Variants in DTNBP1 observed in about 807,000 individuals in gnomAD.
The protein encoded by DTNBP1 is dystrobrevin binding protein 1, also known as dysbindin.
A neutral mutation model predicts 42.8 loss-of-function variants in DTNBP1; 35 were observed. The ratio of observed to expected loss-of-function variants is 0.82; its 90% CI spans 0.63 to 1.09. DTNBP1 has a LOEUF of 1.09. Ranked by LOEUF, DTNBP1 falls within the 50% of genes least tolerant of loss-of-function variation. The pLI, the probability that DTNBP1 is intolerant of heterozygous loss-of-function variation, is 0.00. For missense variants in DTNBP1, 457 were observed against 424.2 expected, an observed-to-expected ratio of 1.08 and a Z score of -0.68; for synonymous variants, 171 against 162.2, an observed-to-expected ratio of 1.05 and a Z score of -0.41.
chr6:15,637,211 C>T (rs935212052), intron 4 of DTNBP1, among the ~76,000 whole-genome samples: 1 of 152,114 alleles, frequency 6.6e-6, no homozygotes, highest in African/African-American at 2.4e-5. Context: ...TCGATTTTGG[C>T]TATGTACATT....
chr6:15,659,192 G>A (rs1761449806), intron 1 of DTNBP1, among the ~76,000 whole-genome samples: 2 of 152,170 alleles, frequency 1.3e-5, no homozygotes, highest in South Asian at 4.1e-4. Flanking sequence ...ATAAGGAATC[G>A]TTCTATTTTA....
In DTNBP1 at chr6:15,651,371, A is replaced by G. The variant is rs776060133; in HGVS notation, c.111-8T>C. The G allele has an allele frequency of 6.2e-7, 1 of 1,611,662 alleles. No individual in the cohort carries two copies. ...GGCAAAAATGGAACAGTCCTGCCCA[A>G]AAGAAACACTTATTAAAACTGTTCT... On this transcript the variant is annotated splice_region_variant and splice_polypyrimidine_tract_variant and intron_variant, in intron 2 of 9. Coordinates refer to ENST00000344537, the MANE Select transcript of DTNBP1 (RefSeq NM_032122.5).
chr6:15,539,017 A>G (rs979346375), intron 7 of DTNBP1, among the ~76,000 whole-genome samples: 2 of 151,872 alleles, frequency 1.3e-5, no homozygotes, highest in Non-Finnish European at 2.9e-5. Flanking sequence ...CCAGCACCAC[A>G]CTCTCAACTC....
intron 9 of DTNBP1, chr6:15,523,546 T>TTATC (rs776049172): frequency 1.6e-6 from 2 of 1,267,914 alleles, no homozygotes; most frequent in South Asian, 2.8e-5. Flanking sequence ...CCTTGTAACC[T>TTATC]TGATAATCTA....
rs1238265151 is a variant in DTNBP1, at chr6:15,627,467, A to G, written c.231T>C (p.Asp77=). The change falls in exon 5 of 10, where the codon GAT becomes GAC. Residue 77 remains aspartate, a synonymous_variant. Transcript: ENST00000344537. ...KDCASAGELV[D]SEVVMLSAHW... is the part of the protein sequence containing the mutation. Reference sequence around the variant, plus strand: ...GCGCAGAAAGCATGACCACCTCGCTATCCACCAGCTGCAGCACACAAGAAG... The same window carrying G: ...GCGCAGAAAGCATGACCACCTCGCTGTCCACCAGCTGCAGCACACAAGAAG... 1.9e-6 allele frequency: 3 copies of G among 1,613,902 alleles called. No homozygotes were observed. The highest frequency in any genetic ancestry group is 2.5e-6 in the Non-Finnish European group (3 of 1,179,922).
intron 6 of DTNBP1, among the ~76,000 whole-genome samples, chr6:15,600,483 AT>A (rs144949807): frequency 0.15 from 23,466 of 152,030 alleles, 2,697 homozygotes; most frequent in African/African-American, 0.32. Context: ...TCATCATTTA[AT>A]TTTTTTTATC....
chr6:15,585,756 T>C (rs1776054402), intron 7 of DTNBP1: 1 of 1,535,096 alleles, frequency 6.5e-7, no homozygotes, highest in Non-Finnish European at 8.7e-7. Context: ...GTCCTGGAGA[T>C]GACATGGATG....
intron 4 of DTNBP1, among the ~76,000 whole-genome samples, chr6:15,627,894 C>T (rs2113740758): frequency 6.6e-6 from 1 of 151,902 alleles, no homozygotes; most frequent in Admixed American, 6.6e-5. Flanking sequence ...AGGAAGTCTT[C>T]AAAGAAAAGT....
chr6:15,603,239 A>C (rs1227396710), intron 6 of DTNBP1, among the ~76,000 whole-genome samples: 1 of 152,254 alleles, frequency 6.6e-6, no homozygotes, highest in Non-Finnish European at 1.5e-5. Context: ...GTCTGTTTTC[A>C]AGAGGTCATT....
At chr6:15,605,348 C>T (rs1416303620) in intron 6 of DTNBP1, among the ~76,000 whole-genome samples, 1 of 152,142 alleles carries the variant, frequency 6.6e-6, no homozygotes, top group African/African-American at 2.4e-5. Flanking sequence ...CTGTTCATGA[C>T]TCGGGGTCTT....
At chr6:15,661,107 C>T (rs938653100) in intron 1 of DTNBP1, among the ~76,000 whole-genome samples, 3 of 152,240 alleles carry the variant, frequency 2.0e-5, no homozygotes, top group Admixed American at 6.5e-5. Context: ...AAGCGTTTGA[C>T]AGTTTGTTAT....
chr6:15,659,947 G>A (rs1420875796), intron 1 of DTNBP1, among the ~76,000 whole-genome samples: 2 of 152,132 alleles, frequency 1.3e-5, no homozygotes, highest in Non-Finnish European at 2.9e-5. Flanking sequence ...CAACAAAATT[G>A]TTGGAAGATT....
At chr6:15,606,250 C>T (rs1293887335) in intron 6 of DTNBP1, among the ~76,000 whole-genome samples, 3 of 152,188 alleles carry the variant, frequency 2.0e-5, no homozygotes, top group Non-Finnish European at 4.4e-5. Flanking sequence ...GGTCACAGTC[C>T]TGTTTTTGTA....
intron 7 of DTNBP1, among the ~76,000 whole-genome samples, chr6:15,557,056 G>A (rs1159981611): frequency 6.6e-6 from 1 of 152,172 alleles, no homozygotes; most frequent in Non-Finnish European, 1.5e-5. Flanking sequence ...TACCTTGTCT[G>A]CACTTCTGTC....
chr6:15,609,425 T>C (rs1407685928), intron 6 of DTNBP1, among the ~76,000 whole-genome samples: 1 of 152,050 alleles, frequency 6.6e-6, no homozygotes, highest in Non-Finnish European at 1.5e-5. Flanking sequence ...GTTCAAGTAA[T>C]TCTCCCACCT....
At chr6:15,609,412 C>A (rs897815857) in intron 6 of DTNBP1, among the ~76,000 whole-genome samples, 1 of 151,972 alleles carries the variant, frequency 6.6e-6, no homozygotes, top group Non-Finnish European at 1.5e-5. Context: ...CTCCGCCTCC[C>A]GGGTTCAAGT....
intron 7 of DTNBP1, among the ~76,000 whole-genome samples, chr6:15,549,777 C>A (rs756175175): frequency 1.4e-4 from 21 of 152,342 alleles, no homozygotes; most frequent in Non-Finnish European, 2.2e-4. Context: ...AAGATCCTTT[C>A]AACTCTTCAG....
chr6:15,615,019 C>G, intron 6 of DTNBP1: 1 of 601,460 alleles, frequency 1.7e-6, no homozygotes, highest in Non-Finnish European at 3.0e-6. Context: ...AAAACTTTGC[C>G]CTGTGCTCCA....
intron 7 of DTNBP1, among the ~76,000 whole-genome samples, chr6:15,538,145 C>G (rs963267112): frequency 8.5e-5 from 13 of 152,170 alleles, no homozygotes; most frequent in African/African-American, 2.7e-4. Flanking sequence ...CATGGCACAG[C>G]TGACTCCTTA....
Sources: gnomAD v4.1 joint callset for allele counts (sites outside exome capture counted in the v4.1 genomes callset) on GRCh38, gnomAD v4.1.1 for gene constraint, MANE v1.5 for transcripts, NCBI Gene and HGNC (gene_info 2026-07-23, HGNC 2026-07-21) for gene names.